Variants in NDP observed in about 807,000 individuals in gnomAD.
The protein encoded by NDP is norrin.
Under a neutral mutation model 8.4 loss-of-function variants are expected in NDP, and 2 were observed. The ratio of observed to expected loss-of-function variants is 0.24; its 90% CI spans 0.10 to 0.75. NDP has a LOEUF of 0.75. NDP is among the 30% of genes least tolerant of loss of function. NDP has a pLI of 0.73. For missense variants in NDP, 81 were observed against 110.1 expected, an observed-to-expected ratio of 0.74 and a Z score of 1.18; for synonymous variants, 55 against 45.6, an observed-to-expected ratio of 1.21 and a Z score of -0.83.
intron 1 of NDP, among the ~76,000 whole-genome samples, chrX:43,964,731 G>T (rs758227697): frequency 5.6e-4 from 63 of 111,754 alleles, no homozygotes; most frequent in African/African-American, 2.0e-3. Flanking sequence ...TCCCATCATT[G>T]GCTGTGTGAT....
At chrX:43,954,238 G>A (rs752395521) in intron 2 of NDP, among the ~76,000 whole-genome samples, 1 of 110,804 alleles carries the variant, frequency 9.0e-6, no homozygotes, top group Non-Finnish European at 1.9e-5. Context: ...TCATCTTCAG[G>A]GACCCAGGTC....
At chrX:43,965,278 G>C (rs1437055720) in intron 1 of NDP, among the ~76,000 whole-genome samples, 1 of 110,114 alleles carries the variant, frequency 9.1e-6, no homozygotes, top group African/African-American at 3.3e-5. Context: ...TACTAGCCAG[G>C]CATGGTGGTA....
intron 1 of NDP, among the ~76,000 whole-genome samples, chrX:43,967,022 C>T: frequency 9.0e-6 from 1 of 111,479 alleles, no homozygotes. Context: ...TAGACTCAGA[C>T]ATATGTCAAA....
At chrX:43,969,682 G>T (rs1156601214) in intron 1 of NDP, 1 of 112,261 alleles carries the variant, frequency 8.9e-6, no homozygotes, top group Non-Finnish European at 1.9e-5. Flanking sequence ...CGGCAGAGCT[G>T]GTGCCAAGAA....
intron 2 of NDP, among the ~76,000 whole-genome samples, chrX:43,955,445 G>A (rs2035787320): frequency 8.9e-6 from 1 of 112,045 alleles, no homozygotes; most frequent in African/African-American, 3.2e-5. Flanking sequence ...CATTCGGCAA[G>A]CCATGGAGCT....
chrX:43,963,644 A>G (rs2035839877), intron 1 of NDP, among the ~76,000 whole-genome samples: 2 of 112,014 alleles, frequency 1.8e-5, no homozygotes, highest in African/African-American at 6.5e-5. Flanking sequence ...ATACAGTACT[A>G]GGATCAGAAA....
intron 1 of NDP, among the ~76,000 whole-genome samples, chrX:43,971,180 C>G (rs1333393453): frequency 8.9e-6 from 1 of 112,068 alleles, no homozygotes; most frequent in Non-Finnish European, 1.9e-5. Context: ...GGGACAATGT[C>G]TCATTCACCT....
intron 1 of NDP, among the ~76,000 whole-genome samples, chrX:43,963,509 A>G (rs1471413992): frequency 8.9e-6 from 1 of 112,568 alleles, no homozygotes; most frequent in Non-Finnish European, 1.9e-5. Context: ...TTTTTAAAAA[A>G]TTATGGTATG....
At chrX:43,965,509 T>C (rs189418816) in intron 1 of NDP, among the ~76,000 whole-genome samples, 2 of 111,700 alleles carry the variant, frequency 1.8e-5, no homozygotes, top group Middle Eastern at 4.2e-3. Flanking sequence ...CTCTTAAAAC[T>C]GTCTTAAAAT....
chrX:43,965,798 G>T lies in NDP; in HGVS notation c.-207-6946C>A, dbSNP rs190528812. ...GTCTTCTCTGCAAGTAGAATCAGTA[G>T]TCTTGGGGTCAAGAGCGAGGCCCTG... On this transcript the variant is annotated intron_variant, in intron 1 of 2. Transcript: ENST00000642620. 5.4e-5 allele frequency among the ~76,000 whole-genome samples: 6 copies of T among 112,008 alleles called. No individual in the cohort carries two copies. In the East Asian group the frequency reaches 1.7e-3, roughly 32 times the overall value.
chrX:43,966,219 TA>T (rs973315238), intron 1 of NDP, among the ~76,000 whole-genome samples: 1 of 111,601 alleles, frequency 9.0e-6, no homozygotes, highest in African/African-American at 3.3e-5. Flanking sequence ...AGAAAATGCT[TA>T]GGGGTGGCCT....
At chrX:43,957,303 G>A (rs1460431740) in intron 2 of NDP, among the ~76,000 whole-genome samples, 1 of 104,136 alleles carries the variant, frequency 9.6e-6, no homozygotes, top group East Asian at 3.0e-4. Context: ...AGGAATTGTG[G>A]CCCTGCAAAA....
chrX:43,950,808 G>T (rs142553731), intron 2 of NDP, among the ~76,000 whole-genome samples: 1,311 of 112,077 alleles, frequency 0.012, 11 homozygotes, highest in Middle Eastern at 0.032. Flanking sequence ...TCTTAATCTG[G>T]CTTTAGCAAA....
intron 1 of NDP, among the ~76,000 whole-genome samples, chrX:43,966,001 T>C (rs761542198): frequency 6.2e-5 from 7 of 112,059 alleles, no homozygotes; most frequent in South Asian, 7.5e-4. Context: ...TTCTGAAGAA[T>C]GGAAAGACTC....
At chrX:43,973,277 G>A (rs2035901974) in intron 1 of NDP, 27 bp downstream of exon 1, 1 of 111,872 alleles carries the variant, frequency 8.9e-6, no homozygotes, top group Non-Finnish European at 1.9e-5. Context: ...TCCTAGGCAA[G>A]CCGGCAGCGC....
chrX:43,971,959 A>G (rs147811246), intron 1 of NDP, among the ~76,000 whole-genome samples: 8,384 of 111,411 alleles, frequency 0.075, 339 homozygotes, highest in Non-Finnish European at 0.12. Context: ...AGATATTTGC[A>G]TCTGGTTTAA....
At position 43,949,853 on chromosome X, in the gene NDP, G is replaced by A. The variant is rs1467265757; in HGVS notation, c.348C>T (p.Leu116=). The change falls in exon 3 of 3, where the codon CTC becomes CTT. Residue 116 remains leucine (L), a synonymous_variant. Transcript: ENST00000642620. ...LRLRCSGGMR[L]TATYRYILSC... is the part of the protein sequence containing the mutation. ...AGAGGATGTACCGGTAGGTGGCAGT[G>A]AGTCGCATGCCCCCTGAGCATCGCA... The A allele has an allele frequency of 8.4e-7, 1 of 1,191,168 alleles. No homozygotes were observed. The highest frequency in any genetic ancestry group is 1.1e-6 in the Non-Finnish European group (1 of 885,229).
chrX:43,972,839 A>G (rs759890082), intron 1 of NDP, among the ~76,000 whole-genome samples: 11 of 112,729 alleles, frequency 9.8e-5, no homozygotes, highest in Non-Finnish European at 1.7e-4. Context: ...AGCAGCATAC[A>G]TAAGTAGTAA....
chrX:43,950,204 A>G, intron 2 of NDP, 178 bp from the exon 3 acceptor site: 1 of 465,515 alleles, frequency 2.1e-6, no homozygotes, highest in Admixed American at 3.2e-5. Context: ...GATCGATTGA[A>G]TTAAAATCCT....
Sources: gnomAD v4.1 joint callset for allele counts (sites outside exome capture counted in the v4.1 genomes callset) on GRCh38, gnomAD v4.1.1 for gene constraint, MANE v1.5 for transcripts, NCBI Gene and HGNC (gene_info 2026-07-23, HGNC 2026-07-21) for gene names.